The following MCPH1 variants were observed in gnomAD, a reference collection of about 807,000 sequenced individuals.
The protein encoded by MCPH1 is microcephalin 1.
Under a neutral mutation model 84.5 loss-of-function variants are expected in MCPH1, and 104 were observed. The observed-to-expected ratio is 1.23, with a 90% CI of 1.05 to 1.45. The LOEUF (loss-of-function observed/expected upper bound fraction) is 1.45. Among genes scored for constraint, MCPH1 ranks in the 40% most tolerant of loss-of-function variants. The pLI is 0.00. For synonymous variants in MCPH1, 514 were observed against 366.8 expected (o/e 1.40, Z -4.58); for missense variants, 1,498 against 1,005.7 (o/e 1.49, Z -6.62).
intron 9 of MCPH1, among the ~76,000 whole-genome samples, chr8:6,474,640 A>G (rs1471546616): frequency 2.6e-5 from 4 of 152,244 alleles, no homozygotes; most frequent in Non-Finnish European, 4.4e-5. Flanking sequence ...CTTTACGAGT[A>G]ACGTTCACTT....
chr8:6,507,586 T>G (rs1032389091), intron 12 of MCPH1: 8 of 149,166 alleles, frequency 5.4e-5, no homozygotes. Flanking sequence ...TTTTTTTTTT[T>G]TTTTTTTTTG....
rs909034992 is a variant in MCPH1 at position 6,597,053 on chromosome 8, T to C, written c.2215-24401T>C. ...GCAATGGGGCCAGGTGGGCAGGAGA[T>C]GGGCTTAGCATCCAAGCAGGCTGGA... On this transcript the variant is annotated intron_variant, in intron 12 of 13. Transcript: ENST00000344683. Among the ~76,000 whole-genome samples the C allele has an allele frequency of 2.6e-5, 4 of 152,222 alleles. No homozygotes were observed. In the South Asian group the frequency reaches 6.2e-4, roughly 24 times the overall value.
intron 12 of MCPH1, among the ~76,000 whole-genome samples, chr8:6,540,816 G>A (rs1821414829): frequency 6.6e-6 from 1 of 152,270 alleles, no homozygotes; most frequent in Non-Finnish European, 1.5e-5. Flanking sequence ...AACAGGCGCG[G>A]GAGGCAGGGG....
intron 3 of MCPH1, among the ~76,000 whole-genome samples, chr8:6,423,207 T>TTG (rs1800513456): frequency 6.8e-6 from 1 of 146,806 alleles, no homozygotes; most frequent in Non-Finnish European, 1.5e-5. Flanking sequence ...TTTTTTTTTT[T>TTG]GAAACTGAGT....
intron 3 of MCPH1, among the ~76,000 whole-genome samples, chr8:6,427,134 C>T (rs1801175842): frequency 6.6e-6 from 1 of 152,034 alleles, no homozygotes; most frequent in African/African-American, 2.4e-5. Flanking sequence ...AATACTTAAA[C>T]ATAGAAAAGG....
chr8:6,459,351 C>T (rs577274336), intron 9 of MCPH1, among the ~76,000 whole-genome samples: 6 of 152,160 alleles, frequency 3.9e-5, no homozygotes, highest in Admixed American at 6.5e-5. Context: ...TCTTGGCTCA[C>T]TGCAACCTCT....
intron 9 of MCPH1, among the ~76,000 whole-genome samples, chr8:6,465,879 C>G (rs1806832740): frequency 6.6e-6 from 1 of 152,012 alleles, no homozygotes; most frequent in Admixed American, 6.5e-5. Context: ...AAATTTATGT[C>G]TGTTCTCTTG....
At chr8:6,437,739 C>T (rs1198587313) in intron 5 of MCPH1, among the ~76,000 whole-genome samples, 1 of 152,144 alleles carries the variant, frequency 6.6e-6, no homozygotes, top group Non-Finnish European at 1.5e-5. Flanking sequence ...GTGCAATCGT[C>T]CTTGACATCT....
chr8:6,504,806 G>A (rs1227432186), intron 12 of MCPH1, among the ~76,000 whole-genome samples: 1 of 152,082 alleles, frequency 6.6e-6, no homozygotes, highest in Non-Finnish European at 1.5e-5. Flanking sequence ...ACTAAACTTT[G>A]TAAGTATGTG....
chr8:6,511,553 A>G (rs1012505190), intron 12 of MCPH1, among the ~76,000 whole-genome samples: 15 of 149,458 alleles, frequency 1.0e-4, no homozygotes, highest in African/African-American at 2.8e-4. Context: ...TTCTTCTGGG[A>G]AAAAAAAATC....
At chr8:6,587,964 G>T (rs928781397) in intron 12 of MCPH1, among the ~76,000 whole-genome samples, 1 of 152,194 alleles carries the variant, frequency 6.6e-6, no homozygotes, top group South Asian at 2.1e-4. Flanking sequence ...TAGAGCTCAG[G>T]CTCCCCTCAA....
intron 12 of MCPH1, among the ~76,000 whole-genome samples, chr8:6,579,913 G>A (rs1468194658): frequency 6.6e-6 from 1 of 152,180 alleles, no homozygotes; most frequent in Non-Finnish European, 1.5e-5. Flanking sequence ...CTGGCGAGGT[G>A]TTACTTTGAC....
At chr8:6,407,379 T>A (rs1472900631) in intron 1 of MCPH1, among the ~76,000 whole-genome samples, 1 of 152,080 alleles carries the variant, frequency 6.6e-6, no homozygotes. Context: ...AACTAAGGCA[T>A]CGGACGTTTA....
intron 9 of MCPH1, among the ~76,000 whole-genome samples, chr8:6,475,156 T>C (rs951643626): frequency 6.6e-6 from 1 of 152,214 alleles, no homozygotes; most frequent in East Asian, 1.9e-4. Flanking sequence ...ATGATGGTTA[T>C]CCCAGGATGA....
chr8:6,457,812 T>C (rs1214654249), intron 9 of MCPH1, among the ~76,000 whole-genome samples: 2 of 152,110 alleles, frequency 1.3e-5, no homozygotes, highest in African/African-American at 4.8e-5. Context: ...TTCTTCCTAA[T>C]CCAGTCCTTA....
At chr8:6,523,903 T>TC (rs1175688732) in intron 12 of MCPH1, among the ~76,000 whole-genome samples, 1 of 151,852 alleles carries the variant, frequency 6.6e-6, no homozygotes, top group Non-Finnish European at 1.5e-5. Context: ...TTTTTTTTTT[T>TC]TTAATAAGAT....
At chr8:6,595,837 A>C (rs1011118587) in intron 12 of MCPH1, among the ~76,000 whole-genome samples, 15 of 152,188 alleles carry the variant, frequency 9.9e-5, no homozygotes, top group Admixed American at 9.2e-4. Context: ...GTCAGATACA[A>C]TTGGGCAGGC....
chr8:6,600,470 G>T (rs1159011763), intron 12 of MCPH1, among the ~76,000 whole-genome samples: 1 of 152,192 alleles, frequency 6.6e-6, no homozygotes, highest in African/African-American at 2.4e-5. Context: ...TGCCACCACT[G>T]GGGATTGGGG....
chr8:6,413,058 A>C (rs183617136), intron 2 of MCPH1, among the ~76,000 whole-genome samples: 43 of 152,342 alleles, frequency 2.8e-4, no homozygotes, highest in African/African-American at 1.0e-3. Flanking sequence ...TATAAAAATT[A>C]TGCAGATGAG....
Sources: gnomAD v4.1 joint callset for allele counts (sites outside exome capture counted in the v4.1 genomes callset) on GRCh38, gnomAD v4.1.1 for gene constraint, MANE v1.5 for transcripts, NCBI Gene and HGNC (gene_info 2026-07-23, HGNC 2026-07-21) for gene names.